ALMS1: variants seen among roughly 807,000 people sequenced by gnomAD.
The protein encoded by ALMS1 is centrosome-associated protein ALMS1.
A neutral mutation model predicts 352.2 loss-of-function variants in ALMS1; 271 were observed. The observed-to-expected ratio is 0.77, with a 90% CI of 0.70 to 0.85. The LOEUF is 0.85. ALMS1 is among the 40% of genes least tolerant of loss of function. The probability of loss-of-function intolerance (pLI) is 0.00; values close to 1 mark genes in which losing one functional copy is unlikely to be tolerated. For synonymous variants in ALMS1, 1,865 were observed against 1,761.2 expected (o/e 1.06, Z -1.48); for missense variants, 5,445 against 4,870.7 (o/e 1.12, Z -3.51).
chr2:73,596,885 T>A (rs1573050200), intron 16 of ALMS1, among the ~76,000 whole-genome samples: 1 of 150,254 alleles, frequency 6.7e-6, no homozygotes, highest in African/African-American at 2.4e-5. Context: ...TTTTCTTTTT[T>A]TTTTTTCAGT....
chr2:73,510,273 C>G (rs1218451012), intron 10 of ALMS1, among the ~76,000 whole-genome samples: 1 of 152,086 alleles, frequency 6.6e-6, no homozygotes, highest in Non-Finnish European at 1.5e-5. Flanking sequence ...GAGTTGTGAT[C>G]CTTTGGAGGA....
intron 16 of ALMS1, among the ~76,000 whole-genome samples, chr2:73,595,310 A>G (rs1485622339): frequency 6.6e-6 from 1 of 152,150 alleles, no homozygotes; most frequent in Non-Finnish European, 1.5e-5. Flanking sequence ...GTGCCCTTGT[A>G]CCTCTTTGCA....
At chr2:73,386,225 G>A in intron 1 of ALMS1, 33 bp downstream of exon 1, 4 of 1,484,030 alleles carry the variant, frequency 2.7e-6, no homozygotes, top group Middle Eastern at 4.1e-4. Flanking sequence ...GTGGAGCCGC[G>A]GCGAGTTGGG....
chr2:73,426,103 C>T (rs1553400912), intron 5 of ALMS1, among the ~76,000 whole-genome samples: 1 of 152,212 alleles, frequency 6.6e-6, no homozygotes, highest in Non-Finnish European at 1.5e-5. Context: ...TGTTATTTAT[C>T]ATGTGAAAGT....
rs1323564148 is a variant in ALMS1 at position 73,557,315 on chromosome 2, C to A, written c.10174C>A (p.Gln3392Lys). The stretch of plus-strand genomic sequence containing the variant: ...TACAAGGGCAGTGACTGAGGCTGCC[C>A]AGGCTAAAGAAAAAGAATCTTTGCA... Reference protein sequence around the residue: ...HSTRAVTEAAQAKEKESLQKD... With the variant: ...HSTRAVTEAAKAKEKESLQKD... Residue 3392 changes from glutamine (Q) to lysine (K), a missense_variant, in exon 14 of 23, where the codon CAG (glutamine) becomes AAG (lysine). Transcript: ENST00000613296. 1 of 1,614,124 alleles carries A rather than the reference C, an allele frequency of 6.2e-7. No homozygotes were observed. The highest frequency in any genetic ancestry group is 8.5e-7 in the Non-Finnish European group (1 of 1,180,000).
intron 3 of ALMS1, among the ~76,000 whole-genome samples, chr2:73,420,588 A>G (rs771827633): frequency 3.3e-5 from 5 of 152,216 alleles, no homozygotes; most frequent in Non-Finnish European, 7.4e-5. Context: ...TAATACTAAA[A>G]AAGGCTATAT....
intron 11 of ALMS1, among the ~76,000 whole-genome samples, chr2:73,533,726 T>G (rs1673969170): frequency 6.6e-6 from 1 of 152,170 alleles, no homozygotes; most frequent in African/African-American, 2.4e-5. Context: ...AAAAAAAATG[T>G]CCATAATAGT....
intron 11 of ALMS1, among the ~76,000 whole-genome samples, chr2:73,526,356 A>C (rs916806667): frequency 5.7e-4 from 86 of 151,946 alleles, no homozygotes; most frequent in African/African-American, 2.0e-3. Flanking sequence ...ATACAGATTC[A>C]GTGGAATACC....
intron 13 of ALMS1, among the ~76,000 whole-genome samples, chr2:73,556,301 G>A (rs184505970): frequency 1.3e-5 from 2 of 152,228 alleles, no homozygotes; most frequent in East Asian, 3.9e-4. Context: ...GAGGTAGCAA[G>A]AGTTAACTGG....
At chr2:73,546,920 G>C (rs1296782855) in intron 12 of ALMS1, among the ~76,000 whole-genome samples, 4 of 152,170 alleles carry the variant, frequency 2.6e-5, no homozygotes, top group Non-Finnish European at 5.9e-5. Context: ...ATGGGAGAGA[G>C]TTGGTTCTGG....
intron 10 of ALMS1, among the ~76,000 whole-genome samples, chr2:73,510,676 C>G (rs1387719022): frequency 6.6e-6 from 1 of 152,176 alleles, no homozygotes; most frequent in Non-Finnish European, 1.5e-5. Context: ...GTCTCCCCAC[C>G]AGGAGGCACG....
In ALMS1 at chr2:73,534,909, G is replaced by A. The variant is rs773900415; in HGVS notation, c.9867G>A (p.Pro3289=). The A allele has an allele frequency of 4.6e-5, 75 of 1,613,528 alleles. No individual in the cohort carries two copies. Among genetic ancestry groups the A allele is most frequent in the East Asian group, 6.7e-5 (3 of 44,810 alleles). Residue 3289 remains proline, a synonymous_variant, in exon 12 of 23, where the codon CCG becomes CCA. Coordinates refer to ENST00000613296, the MANE Select transcript of ALMS1 (RefSeq NM_001378454.1). Reference sequence around the variant, plus strand: ...AATTAAGACAAATTCCTCCATCTCCGGATTCCAAATCAGATACCACCGTTG... The same window carrying A: ...AATTAAGACAAATTCCTCCATCTCCAGATTCCAAATCAGATACCACCGTTG... ...VPQLRQIPPS[P]DSKSDTTVES...
In ALMS1 at chr2:73,573,477, TTTAG is replaced by T. The variant is rs770781122; in HGVS notation, c.11547+57_11547+60del. 64 of 1,588,976 alleles carry T rather than the reference TTTAG, an allele frequency of 4.0e-5. No homozygotes were observed. The African/African-American group carries it at 7.9e-4, about 20-fold the overall frequency. ...ATGTGACTGCCCTCTTCATGGACTT[TTTAG>T]TTAAGCTTTGCACACAGGTGAAAAA... On this transcript the variant is annotated intron_variant, in intron 16 of 22. Coordinates refer to ENST00000613296, the MANE Select transcript of ALMS1 (RefSeq NM_001378454.1).
chr2:73,491,275 C>A lies in ALMS1; in HGVS notation c.9316C>A (p.Pro3106Thr). Residue 3106 changes from proline to threonine, a missense_variant, in exon 10 of 23, where the codon CCT becomes ACT. Transcript: ENST00000613296. ...AACCTCCAAATTATTGACCAGTAAA[C>A]CTGTAGCACAGGATCAAGAATCTTT... ...EPTSKLLTSK[P>T]VAQDQESLGF... 6.2e-7 allele frequency: 1 copy of A among 1,614,148 alleles called. No individual in the cohort carries two copies. The highest frequency in any genetic ancestry group is 2.2e-5 in the East Asian group (1 of 44,874).
chr2:73,522,741 A>G (rs1181629122), intron 11 of ALMS1, among the ~76,000 whole-genome samples: 1 of 152,158 alleles, frequency 6.6e-6, no homozygotes, highest in Non-Finnish European at 1.5e-5. Flanking sequence ...TGTTGGGATT[A>G]CAGGCGTGAG....
chr2:73,601,682 G>A (rs972766087), intron 19 of ALMS1, among the ~76,000 whole-genome samples: 21 of 152,236 alleles, frequency 1.4e-4, no homozygotes, highest in African/African-American at 5.1e-4. Context: ...GCAGGAGGGA[G>A]GATTTGCATC....
intron 5 of ALMS1, among the ~76,000 whole-genome samples, 171 bp downstream of exon 5, chr2:73,425,073 T>C (rs1671354429): frequency 6.6e-6 from 1 of 152,138 alleles, no homozygotes; most frequent in African/African-American, 2.4e-5. Flanking sequence ...TTCCTTTCCA[T>C]GTGAAGTTGC....
At chr2:73,406,719 G>A (rs1376065325) in intron 1 of ALMS1, among the ~76,000 whole-genome samples, 1 of 151,980 alleles carries the variant, frequency 6.6e-6, no homozygotes, top group East Asian at 1.9e-4. Context: ...TCCACCTCCC[G>A]GGTTCAAGTG....
intron 16 of ALMS1, among the ~76,000 whole-genome samples, chr2:73,597,249 A>C (rs1037645962): frequency 1.3e-5 from 2 of 152,172 alleles, no homozygotes; most frequent in Admixed American, 6.5e-5. Context: ...ATGTAGATAT[A>C]CAATTGATTT....
Sources: gnomAD v4.1 joint callset for allele counts (sites outside exome capture counted in the v4.1 genomes callset) on GRCh38, gnomAD v4.1.1 for gene constraint, MANE v1.5 for transcripts, NCBI Gene and HGNC (gene_info 2026-07-23, HGNC 2026-07-21) for gene names.